The following SCFD2 variants were observed in gnomAD, a reference collection of about 807,000 sequenced individuals.
SCFD2 encodes sec1 family domain containing 2.
Under a neutral mutation model 58.9 loss-of-function variants are expected in SCFD2, and 54 were observed. The observed-to-expected ratio is 0.92, with a 90% CI of 0.74 to 1.15. The LOEUF is 1.15. Ranked by LOEUF, SCFD2 falls within the 50% of genes most tolerant of loss-of-function variation. The probability of loss-of-function intolerance (pLI) is 0.00; values close to 1 mark genes in which losing one functional copy is unlikely to be tolerated. For synonymous variants in SCFD2, 321 were observed against 335.9 expected (o/e 0.96, Z 0.49); for missense variants, 805 against 836.6 (o/e 0.96, Z 0.47).
Position 53,197,660 on chromosome 4 carries a change from T to C in SCFD2, c.1312-52078A>G, listed in dbSNP as rs372011035. Among the ~76,000 whole-genome samples, 24 of 151,370 alleles carry C rather than the reference T, an allele frequency of 1.6e-4. 1 individual carries two copies. The South Asian group carries it at 2.1e-3, about 13-fold the overall frequency. ...TGTTTAGCAGTGAAAGAACTATTTA[T>C]TGAATGTCATATTTCAAAAGCATGA... On this transcript the variant is annotated intron_variant, in intron 4 of 8. Transcript: ENST00000401642.
chr4:53,287,273 T>C (rs1459348999), intron 3 of SCFD2, among the ~76,000 whole-genome samples: 1 of 152,126 alleles, frequency 6.6e-6, no homozygotes, highest in Non-Finnish European at 1.5e-5. Context: ...CAATCACCTG[T>C]GCCCTAGAAC....
intron 2 of SCFD2, among the ~76,000 whole-genome samples, chr4:53,328,472 T>G (rs1733289770): frequency 6.6e-6 from 1 of 152,110 alleles, no homozygotes; most frequent in Non-Finnish European, 1.5e-5. Context: ...AGTCAGGGGA[T>G]CTCATTGACC....
intron 4 of SCFD2, among the ~76,000 whole-genome samples, chr4:53,217,101 G>A (rs1225902492): frequency 6.6e-6 from 1 of 152,184 alleles, no homozygotes; most frequent in Non-Finnish European, 1.5e-5. Context: ...GCGATGTGGT[G>A]CTGAGAAGAA....
chr4:53,267,499 G>C (rs2149061616), intron 4 of SCFD2, among the ~76,000 whole-genome samples: 1 of 152,300 alleles, frequency 6.6e-6, no homozygotes, highest in Non-Finnish European at 1.5e-5. Flanking sequence ...ACACAGTACT[G>C]GTCAGGGTGA....
chr4:53,266,820 T>G (rs1021711047), intron 4 of SCFD2, among the ~76,000 whole-genome samples: 2 of 152,242 alleles, frequency 1.3e-5, no homozygotes, highest in Non-Finnish European at 2.9e-5. Flanking sequence ...AAAGGAGTCA[T>G]GAAGATGCTT....
chr4:53,078,367 T>A lies in SCFD2; in HGVS notation c.1561+66966A>T, dbSNP rs564020985. Among the ~76,000 whole-genome samples the A allele has an allele frequency of 4.5e-4, 69 of 152,294 alleles. 3 individuals carry two copies. The South Asian group carries it at 0.014, about 31-fold the overall frequency. On this transcript the variant is annotated intron_variant, in intron 5 of 8. Transcript: ENST00000401642. ...AAGCATTCATAGGCAAGAAATCCAT[T>A]TTAGTTCTAAAAATGTTAAGAGCAC... is the stretch of plus-strand genomic sequence containing the variant.
At chr4:53,164,755 C>A (rs1332431915) in intron 4 of SCFD2, among the ~76,000 whole-genome samples, 5 of 133,452 alleles carry the variant, frequency 3.7e-5, no homozygotes, top group African/African-American at 1.1e-4. Context: ...CACGCCATTG[C>A]AGCCTGGGCG....
At chr4:53,294,419 C>T (rs1454129947) in intron 3 of SCFD2, among the ~76,000 whole-genome samples, 5 of 151,756 alleles carry the variant, frequency 3.3e-5, no homozygotes, top group African/African-American at 7.3e-5. Flanking sequence ...TTTTCATGTT[C>T]GTTGGCTGCA....
At chr4:53,193,999 A>C (rs1257729502) in intron 4 of SCFD2, among the ~76,000 whole-genome samples, 1 of 152,216 alleles carries the variant, frequency 6.6e-6, no homozygotes, top group Non-Finnish European at 1.5e-5. Flanking sequence ...TGCTATAATT[A>C]CACCACTTCT....
intron 5 of SCFD2, among the ~76,000 whole-genome samples, chr4:53,030,025 T>C (rs1722576754): frequency 6.6e-6 from 1 of 152,140 alleles, no homozygotes; most frequent in African/African-American, 2.4e-5. Flanking sequence ...AAAGACACAG[T>C]TGAGCGAACA....
intron 5 of SCFD2, among the ~76,000 whole-genome samples, chr4:53,064,899 T>G (rs1467240174): frequency 6.6e-6 from 1 of 152,122 alleles, no homozygotes; most frequent in Non-Finnish European, 1.5e-5. Flanking sequence ...GTGTCTGGCA[T>G]GTAGAAAGTA....
chr4:52,918,032 C>T (rs889259032), intron 6 of SCFD2, among the ~76,000 whole-genome samples: 12 of 152,162 alleles, frequency 7.9e-5, no homozygotes, highest in East Asian at 1.9e-4. Context: ...TAGGTCAGAC[C>T]GGGAACAGGA....
intron 1 of SCFD2, among the ~76,000 whole-genome samples, chr4:53,356,893 C>T (rs543057672): frequency 1.6e-4 from 25 of 152,028 alleles, no homozygotes; most frequent in South Asian, 6.2e-4. Context: ...CCTGCCACCA[C>T]GCCCGGATAA....
intron 5 of SCFD2, among the ~76,000 whole-genome samples, chr4:53,043,152 G>A (rs1373676845): frequency 6.6e-6 from 1 of 152,160 alleles, no homozygotes; most frequent in African/African-American, 2.4e-5. Context: ...AGGGAAGGAG[G>A]TTAGGAAAAC....
intron 5 of SCFD2, among the ~76,000 whole-genome samples, chr4:53,085,507 C>T (rs1247371218): frequency 6.6e-6 from 1 of 152,124 alleles, no homozygotes; most frequent in Non-Finnish European, 1.5e-5. Context: ...ATACCAATCA[C>T]ATTCTTCACA....
intron 5 of SCFD2, among the ~76,000 whole-genome samples, chr4:53,071,308 C>A (rs1367872533): frequency 6.6e-6 from 1 of 152,120 alleles, no homozygotes; most frequent in African/African-American, 2.4e-5. Flanking sequence ...TATTAAGCCA[C>A]AGTTCCTTGT....
intron 5 of SCFD2, among the ~76,000 whole-genome samples, chr4:53,012,017 T>C (rs1439524799): frequency 9.9e-5 from 14 of 141,558 alleles, no homozygotes; most frequent in Non-Finnish European, 7.9e-5. Context: ...TTTTTTTTTT[T>C]TTAATAGCTT....
At chr4:52,905,064 A>G (rs543336396) in intron 7 of SCFD2, among the ~76,000 whole-genome samples, 18 of 152,244 alleles carry the variant, frequency 1.2e-4, no homozygotes, top group Non-Finnish European at 2.2e-4. Flanking sequence ...TTCTCTGTAT[A>G]ACTTTGGATA....
intron 5 of SCFD2, among the ~76,000 whole-genome samples, chr4:52,961,147 C>T (rs1214976136): frequency 2.6e-5 from 4 of 152,174 alleles, no homozygotes; most frequent in African/African-American, 9.7e-5. Flanking sequence ...CAGAACTTTA[C>T]CTTGCTCACC....
Sources: gnomAD v4.1 joint callset for allele counts (sites outside exome capture counted in the v4.1 genomes callset) on GRCh38, gnomAD v4.1.1 for gene constraint, MANE v1.5 for transcripts, NCBI Gene and HGNC (gene_info 2026-07-23, HGNC 2026-07-21) for gene names.